The following NOS2 variants were observed in gnomAD, a reference collection of about 807,000 sequenced individuals.
NOS2 encodes nitric oxide synthase, inducible.
In NOS2, 96 loss-of-function variants were observed where a neutral mutation model predicts 136.0. That is an observed-to-expected ratio of 0.71 (90% CI 0.60 to 0.84). The LOEUF (loss-of-function observed/expected upper bound fraction) is 0.84. Among genes scored for constraint, NOS2 ranks in the 40% least tolerant of loss-of-function variants. The pLI is 0.00. For synonymous variants in NOS2, 539 were observed against 587.5 expected, an observed-to-expected ratio of 0.92 and a Z score of 1.20; for missense variants, 1,237 against 1,496.9, an observed-to-expected ratio of 0.83 and a Z score of 2.87.
chr17:27,780,928 G>A lies in NOS2; in HGVS notation c.865-22C>T, dbSNP rs1908822726. On this transcript the variant is annotated intron_variant, in intron 8 of 26. Coordinates refer to ENST00000313735, the MANE Select transcript of NOS2 (RefSeq NM_000625.4). Reference sequence around the variant, plus strand: ...ACAGCTGGGGAACAAGACGGGCCCTGTGAGTCTGTAAGCCCGGGCTGCGTG... The same window carrying A: ...ACAGCTGGGGAACAAGACGGGCCCTATGAGTCTGTAAGCCCGGGCTGCGTG... 2.5e-6 allele frequency: 4 copies of A among 1,606,012 alleles called. No homozygotes were observed. In the East Asian group the frequency reaches 8.9e-5, roughly 36 times the overall value.
chr17:27,781,426 G>A (rs1349612914), intron 7 of NOS2, among the ~76,000 whole-genome samples: 1 of 152,218 alleles, frequency 6.6e-6, no homozygotes, highest in Non-Finnish European at 1.5e-5. Context: ...CACTGCCTAT[G>A]TCTCCGTCCT....
intron 12 of NOS2, among the ~76,000 whole-genome samples, chr17:27,773,733 G>A (rs748905452): frequency 1.3e-5 from 2 of 152,164 alleles, no homozygotes; most frequent in African/African-American, 2.4e-5. Flanking sequence ...GGCACAAAAT[G>A]AACTCTTCTC....
At chr17:27,774,604 A>T (rs1908606101) in intron 11 of NOS2, among the ~76,000 whole-genome samples, 153 bp from the exon 12 acceptor site, 1 of 152,208 alleles carries the variant, frequency 6.6e-6, no homozygotes, top group South Asian at 2.1e-4. Flanking sequence ...CCTGCTGAAA[A>T]TAAACACCCA....
chr17:27,779,880 A>G (rs1448048419), intron 9 of NOS2, among the ~76,000 whole-genome samples: 2 of 152,236 alleles, frequency 1.3e-5, no homozygotes, highest in Non-Finnish European at 2.9e-5. Context: ...ATTCACTTGT[A>G]TATTCAGTTA....
At chr17:27,798,608 G>T in intron 2 of NOS2, 92 bp downstream of exon 2, 1 of 781,980 alleles carries the variant, frequency 1.3e-6, no homozygotes, top group Non-Finnish European at 2.3e-6. Context: ...GGTGAGAGAG[G>T]AGGAGCAGAG....
At chr17:27,784,975 C>T (rs1273032950) in intron 5 of NOS2, among the ~76,000 whole-genome samples, 2 of 152,166 alleles carry the variant, frequency 1.3e-5, no homozygotes, top group Non-Finnish European at 2.9e-5. Context: ...CCCTGTAGCC[C>T]TGCTGGGCTT....
intron 19 of NOS2, 142 bp from the exon 20 acceptor site, chr17:27,765,858 T>C: frequency 2.2e-6 from 2 of 921,268 alleles, no homozygotes; most frequent in Non-Finnish European, 3.2e-6. Context: ...ACCCTGAGCT[T>C]GGGATGAGGC....
At chr17:27,772,585 A>C in intron 13 of NOS2, 133 bp from the exon 14 acceptor site, 25 of 989,664 alleles carry the variant, frequency 2.5e-5, no homozygotes, top group Non-Finnish European at 3.4e-5. Flanking sequence ...TACGTTTCTC[A>C]CCAGCCATGT....
intron 17 of NOS2, 21 bp downstream of exon 17, chr17:27,768,956 C>A (rs1893822212): frequency 3.8e-6 from 6 of 1,574,656 alleles, no homozygotes; most frequent in Non-Finnish European, 5.2e-6. Flanking sequence ...TGCTGTGGGG[C>A]AGCTCTGGCT....
chr17:27,776,410 C>A lies in NOS2; in HGVS notation c.1282-1959G>T, dbSNP rs569057848. ...GCTACAGGATGGGTGCAGTGGCTCA[C>A]ACCTGTAATCCCAGCACTTTGGGAG... On this transcript the variant is annotated intron_variant, in intron 11 of 26. Coordinates refer to ENST00000313735, the MANE Select transcript of NOS2 (RefSeq NM_000625.4). 7.2e-5 allele frequency among the ~76,000 whole-genome samples: 11 copies of A among 152,254 alleles called. No homozygotes were observed. In the South Asian group the frequency reaches 2.3e-3, roughly 32 times the overall value.
intron 26 of NOS2, among the ~76,000 whole-genome samples, 176 bp from the exon 27 acceptor site, chr17:27,757,529 C>A (rs1280188011): frequency 6.6e-6 from 1 of 152,160 alleles, no homozygotes; most frequent in Admixed American, 6.5e-5. Flanking sequence ...TGCTCTGGTG[C>A]GGGCCCTCTA....
intron 22 of NOS2, among the ~76,000 whole-genome samples, chr17:27,762,438 C>T (rs531822073): frequency 4.6e-5 from 7 of 152,206 alleles, no homozygotes; most frequent in Non-Finnish European, 1.0e-4. Flanking sequence ...CATCTGATCT[C>T]ATTAAATTGT....
Position 27,787,804 on chromosome 17 carries a change from G to A in NOS2, c.341C>T (p.Ser114Phe), listed in dbSNP as rs1334456717. 1.1e-5 allele frequency: 17 copies of A among 1,612,034 alleles called. No individual in the cohort carries two copies. Among genetic ancestry groups the A allele is most frequent in the Non-Finnish European group, 1.4e-5 (16 of 1,179,166 alleles). ...GGGAGTCATAATGGACCCCAGGCAA[G>A]ATTTGGACCTGCAAGTTAAAATCTG... is the stretch of plus-strand genomic sequence containing the variant. ...AKGILTCRSK[S>F]CLGSIMTPKS... The change falls in exon 5 of 27, where the codon TCT (serine) becomes TTT (phenylalanine). Residue 114 changes from serine (S) to phenylalanine (F), a missense_variant. Physicochemically the swap from Ser to Phe is radical, Grantham distance 155. Transcript: ENST00000313735.
At position 27,760,073 on chromosome 17, in the gene NOS2, T is replaced by G; in HGVS notation, c.3116A>C (p.His1039Pro). Residue 1039 changes from histidine to proline, a missense_variant, in exon 25 of 27, where the codon CAT (histidine) becomes CCT (proline). Around this residue, in one of 3 missense-constraint regions of NOS2, gnomAD observed 782 missense variants for 909.9 expected, o/e 0.86. Coordinates refer to ENST00000313735, the MANE Select transcript of NOS2 (RefSeq NM_000625.4). ...GCGGGAATAGGCTGTGTGCACCGCATGCAGCACCCCCTTCTGGGCCATCTC... is the reference window on the plus strand; with the variant it reads ...GCGGGAATAGGCTGTGTGCACCGCAGGCAGCACCCCCTTCTGGGCCATCTC... ...MLEMAQKGVL[H>P]AVHTAYSRLP... 6.3e-7 allele frequency: 1 copy of G among 1,598,036 alleles called. No individual in the cohort carries two copies. Among genetic ancestry groups the G allele is most frequent in the Non-Finnish European group, 8.5e-7 (1 of 1,173,148 alleles).
At chr17:27,784,497 C>G (rs568730589) in intron 5 of NOS2, among the ~76,000 whole-genome samples, 2 of 152,328 alleles carry the variant, frequency 1.3e-5, no homozygotes, top group South Asian at 4.1e-4. Flanking sequence ...AGCATGACAA[C>G]AGTAATGATC....
intron 14 of NOS2, 98 bp from the exon 15 acceptor site, chr17:27,771,115 C>T: frequency 1.2e-6 from 1 of 809,264 alleles, no homozygotes; most frequent in Non-Finnish European, 2.0e-6. Flanking sequence ...TGCCCCCAGG[C>T]TGCGGCTCCT....
In NOS2 at chr17:27,766,501, T is replaced by A. The variant is rs1908306018; in HGVS notation, c.2246+9A>T. 6.2e-7 allele frequency: 1 copy of A among 1,611,640 alleles called. No individual in the cohort carries two copies. The stretch of plus-strand genomic sequence containing the variant: ...AGTATCACCCACGAAGCCCTGCACT[T>A]TCCCTTACCTGGATGTCGGACTTTG... On this transcript the variant is annotated intron_variant, in intron 19 of 26. Transcript: ENST00000313735.
At chr17:27,774,085 G>A (rs936775987) in intron 12 of NOS2, among the ~76,000 whole-genome samples, 172 bp downstream of exon 12, 1 of 152,156 alleles carries the variant, frequency 6.6e-6, no homozygotes, top group Admixed American at 6.5e-5. Context: ...GCCACTCTCC[G>A]TGGAAATGCA....
At chr17:27,771,049 G>T (rs200640013) in intron 14 of NOS2, 32 bp from the exon 15 acceptor site, 2 of 1,546,892 alleles carry the variant, frequency 1.3e-6, no homozygotes, top group Admixed American at 1.7e-5. Flanking sequence ...ATCAGCCCTC[G>T]GCTCCCAGTA....
Sources: gnomAD v4.1 joint callset for allele counts (sites outside exome capture counted in the v4.1 genomes callset) on GRCh38, gnomAD v4.1.1 for gene constraint, gnomAD v4.1.1 regional missense constraint, MANE v1.5 for transcripts, NCBI Gene and HGNC (gene_info 2026-07-23, HGNC 2026-07-21) for gene names.